DOCK1: variants seen among roughly 807,000 people sequenced by gnomAD.
DOCK1 encodes the protein dedicator of cytokinesis 1, also known as dedicator of cytokinesis protein 1.
A neutral mutation model predicts 262.7 loss-of-function variants in DOCK1; 138 were observed. That is an observed-to-expected ratio of 0.53 (90% CI 0.46 to 0.61). DOCK1 has a LOEUF of 0.61. Among genes scored for constraint, DOCK1 ranks in the 20% least tolerant of loss-of-function variants. The pLI is 0.00. For synonymous variants in DOCK1, 866 were observed against 867.4 expected (o/e 1.00, Z 0.03); for missense variants, 1,908 against 2,370.7 (o/e 0.80, Z 4.05).
intron 31 of DOCK1, among the ~76,000 whole-genome samples, chr10:127,346,793 AC>A (rs762425075): frequency 1.1e-4 from 17 of 152,154 alleles, no homozygotes; most frequent in East Asian, 9.7e-4. Context: ...CTTTGTCACA[AC>A]GATAGCAACA....
At chr10:127,398,385 C>T (rs1325463063) in intron 38 of DOCK1, among the ~76,000 whole-genome samples, 1 of 152,148 alleles carries the variant, frequency 6.6e-6, no homozygotes, top group Non-Finnish European at 1.5e-5. Context: ...AGGCCCACCT[C>T]ACCAGGGCCG....
intron 47 of DOCK1, among the ~76,000 whole-genome samples, chr10:127,427,236 T>C (rs964633878): frequency 3.3e-5 from 5 of 152,190 alleles, no homozygotes; most frequent in Admixed American, 2.0e-4. Context: ...GAAGGCGAGC[T>C]GTGGGAAGTC....
At chr10:126,924,084 TAGG>T (rs2033466091) in intron 1 of DOCK1, among the ~76,000 whole-genome samples, 3 of 151,892 alleles carry the variant, frequency 2.0e-5, no homozygotes, top group African/African-American at 7.3e-5. Flanking sequence ...GGCAGAGAAA[TAGG>T]AGAGTTGAAG....
At chr10:127,299,259 T>G (rs2135418677) in intron 29 of DOCK1, among the ~76,000 whole-genome samples, 1 of 152,208 alleles carries the variant, frequency 6.6e-6, no homozygotes, top group South Asian at 2.1e-4. Context: ...CCACCACACC[T>G]GGCTAATTTT....
intron 33 of DOCK1, among the ~76,000 whole-genome samples, chr10:127,364,880 A>G (rs1410747963): frequency 2.0e-5 from 3 of 147,330 alleles, no homozygotes; most frequent in African/African-American, 7.6e-5. Flanking sequence ...CTTTTTTTCC[A>G]TGATAGCAGA....
At chr10:127,046,756 T>C (rs1323717567) in intron 21 of DOCK1, among the ~76,000 whole-genome samples, 1 of 42,688 alleles carries the variant, frequency 2.3e-5, no homozygotes, top group Non-Finnish European at 4.1e-5. Context: ...ACACTACGTC[T>C]CAAAAAAAAA....
At chr10:127,276,461 C>A (rs1389880243) in intron 29 of DOCK1, among the ~76,000 whole-genome samples, 1 of 152,176 alleles carries the variant, frequency 6.6e-6, no homozygotes, top group Non-Finnish European at 1.5e-5. Flanking sequence ...GAACTATCGG[C>A]TGTTTGATTG....
intron 50 of DOCK1, among the ~76,000 whole-genome samples, chr10:127,445,238 G>A (rs887739808): frequency 3.3e-5 from 5 of 152,122 alleles, no homozygotes; most frequent in Non-Finnish European, 5.9e-5. Flanking sequence ...CAGCAGAACC[G>A]GGGAGCCCAC....
At chr10:127,234,261 C>T (rs2498941) in intron 27 of DOCK1, among the ~76,000 whole-genome samples, 150,354 of 152,242 alleles carry the variant, frequency 0.99, 74,276 homozygotes, top group Middle Eastern at 1. Flanking sequence ...CAGATGTTGG[C>T]TTGATGTATT....
chr10:126,906,764 G>C (rs1020177558), intron 1 of DOCK1, among the ~76,000 whole-genome samples: 3 of 152,180 alleles, frequency 2.0e-5, no homozygotes, highest in Admixed American at 6.5e-5. Context: ...TCCCCGGAGC[G>C]CTCTCCTTTC....
At chr10:126,968,260 G>A (rs986549642) in intron 1 of DOCK1, among the ~76,000 whole-genome samples, 5 of 151,836 alleles carry the variant, frequency 3.3e-5, no homozygotes, top group African/African-American at 9.7e-5. Flanking sequence ...AAATACCCTT[G>A]CAAGGCTGGC....
chr10:126,990,393 C>T (rs960845760), intron 5 of DOCK1, 62 bp from the exon 6 acceptor site: 1 of 1,506,218 alleles, frequency 6.6e-7, no homozygotes, highest in African/African-American at 1.4e-5. Context: ...TAGCCATTCT[C>T]TACCATCTCC....
chr10:126,930,472 G>A (rs1324859952), intron 1 of DOCK1, among the ~76,000 whole-genome samples: 2 of 152,242 alleles, frequency 1.3e-5, no homozygotes, highest in Non-Finnish European at 2.9e-5. Flanking sequence ...TGACCATCGG[G>A]GTGGGGAACA....
At chr10:127,351,806 G>A (rs1485561191) in intron 31 of DOCK1, among the ~76,000 whole-genome samples, 3 of 152,058 alleles carry the variant, frequency 2.0e-5, no homozygotes, top group African/African-American at 7.2e-5. Context: ...TTACTCTGGG[G>A]CATGTATAGA....
intron 1 of DOCK1, among the ~76,000 whole-genome samples, chr10:126,930,056 G>C (rs2134174507): frequency 6.6e-6 from 1 of 152,306 alleles, no homozygotes; most frequent in South Asian, 2.1e-4. Flanking sequence ...TAAAAATGCA[G>C]ATCCCACGTG....
At chr10:127,441,582 T>C (rs2070139325) in intron 49 of DOCK1, among the ~76,000 whole-genome samples, 1 of 152,140 alleles carries the variant, frequency 6.6e-6, no homozygotes, top group East Asian at 1.9e-4. Flanking sequence ...TGAAGTTTCC[T>C]AGCAGGCGGC....
At chr10:127,076,126 C>T (rs61268859) in intron 23 of DOCK1, among the ~76,000 whole-genome samples, 2,106 of 152,236 alleles carry the variant, frequency 0.014, 50 homozygotes, top group African/African-American at 0.048. Flanking sequence ...AAATCAGCAT[C>T]CAAGGAGTTG....
chr10:126,985,635 A>G (rs2039326493), intron 4 of DOCK1, among the ~76,000 whole-genome samples: 2 of 152,174 alleles, frequency 1.3e-5, no homozygotes, highest in African/African-American at 2.4e-5. Context: ...GATCCGTAAG[A>G]TGAAAACAGC....
intron 18 of DOCK1, among the ~76,000 whole-genome samples, chr10:127,034,497 A>C (rs933281568): frequency 2.0e-5 from 3 of 152,188 alleles, no homozygotes; most frequent in Admixed American, 6.5e-5. Flanking sequence ...AAACCATATC[A>C]TGTGGTCAGC....
Sources: gnomAD v4.1 joint callset for allele counts (sites outside exome capture counted in the v4.1 genomes callset) on GRCh38, gnomAD v4.1.1 for gene constraint, MANE v1.5 for transcripts, NCBI Gene and HGNC (gene_info 2026-07-23, HGNC 2026-07-21) for gene names.